Variants in PDE4D observed in about 807,000 individuals in gnomAD.
PDE4D encodes the protein 3',5'-cyclic-AMP phosphodiesterase 4D.
Under a neutral mutation model 87.4 loss-of-function variants are expected in PDE4D, and 24 were observed. The observed-to-expected ratio is 0.27, with a 90% CI of 0.20 to 0.39. The LOEUF (loss-of-function observed/expected upper bound fraction) is 0.39, where lower values mean the gene tolerates loss of function less well. Among genes scored for constraint, PDE4D ranks in the 10% least tolerant of loss-of-function variants. The pLI, the probability that PDE4D is intolerant of heterozygous loss-of-function variation, is 1.00. For missense variants in PDE4D, 714 were observed against 1,041.0 expected (o/e 0.69, Z 4.32); for synonymous variants, 384 against 383.2 (o/e 1.00, Z -0.02).
intron 1 of PDE4D, among the ~76,000 whole-genome samples, chr5:60,240,594 T>C (rs990253951): frequency 2.4e-4 from 37 of 152,142 alleles, no homozygotes; most frequent in African/African-American, 8.4e-4. Flanking sequence ...AGTGCTATGC[T>C]GGCTTCAAGT....
In PDE4D at chr5:59,179,732, A is replaced by T. The variant is rs149008576; in HGVS notation, c.808+863T>A. Reference sequence around the variant, plus strand: ...TTATGGGTTGGAGCTCAAGGAAGACACTTGAATCCAATGACGAATTGTTTT... The same window carrying T: ...TTATGGGTTGGAGCTCAAGGAAGACTCTTGAATCCAATGACGAATTGTTTT... On this transcript the variant is annotated intron_variant, in intron 5 of 14. Transcript: ENST00000340635. 659 of 391,164 alleles carry T rather than the reference A, an allele frequency of 1.7e-3. 2 individuals are homozygous for T. The highest frequency in any genetic ancestry group is 0.013 in the African/African-American group (620 of 46,034). The allele number at this position is 391,164 out of a possible 1,614,324, so 24.2% of individuals were successfully genotyped here.
At chr5:59,014,798 AG>A (rs1248822531) in intron 6 of PDE4D, among the ~76,000 whole-genome samples, 2 of 152,248 alleles carry the variant, frequency 1.3e-5, no homozygotes, top group African/African-American at 4.8e-5. Flanking sequence ...GAACCAAAAA[AG>A]AGCCCGCATT....
At position 59,551,471 on chromosome 5, in the gene PDE4D, T is replaced by TCACACACACA. The variant is rs34301317; in HGVS notation, c.456-335513_456-335504dup. On this transcript the variant is annotated intron_variant, in intron 1 of 14. Coordinates refer to ENST00000340635, the MANE Select transcript of PDE4D (RefSeq NM_001104631.2). ...CTCATTGAATAAAATGCTACTTCAGTCACACACACACACACACACACACAA... is the reference window on the plus strand; with the variant it reads ...CTCATTGAATAAAATGCTACTTCAGTCACACACACACACACACACACACACACACACACAA... Among the ~76,000 whole-genome samples the TCACACACACA allele has an allele frequency of 1.6e-3, 241 of 148,880 alleles. 2 individuals carry two copies. The highest frequency in any genetic ancestry group is 5.8e-3 in the African/African-American group (234 of 40,608).
chr5:60,166,919 A>G (rs1782961802), intron 2 of PDE4D, among the ~76,000 whole-genome samples: 1 of 152,042 alleles, frequency 6.6e-6, no homozygotes, highest in Admixed American at 6.6e-5. Flanking sequence ...TTGCTGATAG[A>G]CATATTAAAA....
chr5:60,020,001 T>C (rs553737463), intron 2 of PDE4D, among the ~76,000 whole-genome samples: 1 of 152,296 alleles, frequency 6.6e-6, no homozygotes, highest in South Asian at 2.1e-4. Context: ...TAATCATTTC[T>C]AGCTTTTAAT....
At chr5:59,271,649 T>G (rs1763865893) in intron 1 of PDE4D, among the ~76,000 whole-genome samples, 2 of 152,100 alleles carry the variant, frequency 1.3e-5, no homozygotes, top group African/African-American at 4.8e-5. Context: ...TAATCCTCCA[T>G]TGGTCAGAGT....
chr5:59,163,605 A>ATACCTC (rs1279118699), intron 5 of PDE4D, among the ~76,000 whole-genome samples: 2 of 152,184 alleles, frequency 1.3e-5, no homozygotes, highest in Non-Finnish European at 2.9e-5. Flanking sequence ...AATCTGTTGG[A>ATACCTC]TACCTCTACT....
intron 1 of PDE4D, among the ~76,000 whole-genome samples, chr5:59,622,409 T>A (rs1209191370): frequency 6.6e-6 from 1 of 152,206 alleles, no homozygotes; most frequent in Non-Finnish European, 1.5e-5. Context: ...CAACTTCAGT[T>A]CCATCTGATG....
At chr5:60,433,505 C>T (rs1744520502) in intron 1 of PDE4D, among the ~76,000 whole-genome samples, 1 of 152,206 alleles carries the variant, frequency 6.6e-6, no homozygotes, top group Non-Finnish European at 1.5e-5. Context: ...CTGTGGAAAG[C>T]AGTTTGGCAA....
intron 2 of PDE4D, among the ~76,000 whole-genome samples, chr5:60,121,727 CT>C (rs1427138191): frequency 4.6e-5 from 7 of 152,170 alleles, no homozygotes; most frequent in African/African-American, 1.7e-4. Flanking sequence ...TAATTCCCCC[CT>C]GGGCCCTCCA....
At chr5:59,392,109 T>C (rs960264986) in intron 1 of PDE4D, among the ~76,000 whole-genome samples, 2 of 151,972 alleles carry the variant, frequency 1.3e-5, no homozygotes, top group African/African-American at 4.8e-5. Flanking sequence ...GTATGCCTTC[T>C]GTGATAATCC....
At chr5:59,024,180 C>G (rs542135888) in intron 6 of PDE4D, among the ~76,000 whole-genome samples, 2 of 149,696 alleles carry the variant, frequency 1.3e-5, no homozygotes, top group Admixed American at 1.3e-4. Context: ...GTGTGAGCCA[C>G]CATGCCCAGC....
At chr5:59,467,259 A>G (rs1801725252) in intron 1 of PDE4D, among the ~76,000 whole-genome samples, 2 of 152,200 alleles carry the variant, frequency 1.3e-5, no homozygotes. Flanking sequence ...CATGGATTCT[A>G]TTAAAAAATG....
At chr5:59,801,886 T>G (rs187309855) in intron 1 of PDE4D, among the ~76,000 whole-genome samples, 258 of 152,300 alleles carry the variant, frequency 1.7e-3, no homozygotes, top group African/African-American at 5.9e-3. Context: ...CATTTCTAGA[T>G]CAGAACAAGT....
chr5:59,829,585 C>A (rs1740869874), intron 1 of PDE4D, among the ~76,000 whole-genome samples: 1 of 151,984 alleles, frequency 6.6e-6, no homozygotes, highest in African/African-American at 2.4e-5. Context: ...TTTTGGTTAA[C>A]CACAAAGAAC....
intron 1 of PDE4D, among the ~76,000 whole-genome samples, chr5:60,286,017 A>C (rs1048056011): frequency 2.0e-5 from 3 of 152,216 alleles, no homozygotes; most frequent in African/African-American, 7.2e-5. Flanking sequence ...CTTTAAGAAA[A>C]TAGCTGGTAT....
chr5:59,019,689 A>C (rs988141160), intron 6 of PDE4D, among the ~76,000 whole-genome samples: 1 of 152,166 alleles, frequency 6.6e-6, no homozygotes, highest in Non-Finnish European at 1.5e-5. Flanking sequence ...AATCCTCAGT[A>C]TTCAAGATCC....
intron 3 of PDE4D, among the ~76,000 whole-genome samples, chr5:59,951,439 T>G (rs932147760): frequency 5.9e-5 from 9 of 152,206 alleles, no homozygotes; most frequent in African/African-American, 1.9e-4. Flanking sequence ...CATCATTTCC[T>G]CTTAAAAAAG....
intron 3 of PDE4D, among the ~76,000 whole-genome samples, chr5:59,978,542 T>C (rs947786459): frequency 5.3e-5 from 8 of 152,206 alleles, no homozygotes; most frequent in Non-Finnish European, 8.8e-5. Context: ...AAATGGTTTC[T>C]TGAGACAGAA....
Sources: allele counts gnomAD v4.1 joint callset (sites outside exome capture counted in the v4.1 genomes callset), GRCh38; gene constraint gnomAD v4.1.1; transcripts MANE v1.5; gene names NCBI Gene and HGNC (gene_info 2026-07-23, HGNC 2026-07-21).